Variants in COASY observed in about 807,000 individuals in gnomAD.
COASY encodes the protein Coenzyme A synthase.
Under a neutral mutation model 49.4 loss-of-function variants are expected in COASY, and 31 were observed. The observed-to-expected ratio is 0.63, with a 90% CI of 0.47 to 0.85. The LOEUF is 0.85. Among genes scored for constraint, COASY ranks in the 40% least tolerant of loss-of-function variants. The probability of loss-of-function intolerance (pLI) is 0.00; values close to 1 mark genes in which losing one functional copy is unlikely to be tolerated. For missense variants in COASY, 730 were observed against 734.1 expected (o/e 0.99, Z 0.06); for synonymous variants, 285 against 310.9 (o/e 0.92, Z 0.88).
In COASY at chr17:42,562,897, C is replaced by A. The variant is rs2143193881; in HGVS notation, c.275C>A (p.Thr92Asn). The change falls in exon 1 of 9, where the codon ACC (threonine) becomes AAC (asparagine). Residue 92 changes from threonine (T) to asparagine (N), a missense_variant. Physicochemically the swap from Thr to Asn is moderately conservative, Grantham distance 65 (BLOSUM62 0). Coordinates refer to ENST00000393818, the MANE Select transcript of COASY (RefSeq NM_025233.7). Reference protein sequence around the residue: ...DVRILLTNIRTKSTFLPPLPT... With the variant: ...DVRILLTNIRNKSTFLPPLPT... ...AGAATCCTACTGACCAATATCCGAA[C>A]CAAGAGCACCTTTCTCCCTCCCCTG... 1 of 1,611,382 alleles carries A rather than the reference C, an allele frequency of 6.2e-7. No homozygotes were observed. Among genetic ancestry groups the A allele is most frequent in the Non-Finnish European group, 8.5e-7 (1 of 1,177,770 alleles).
In COASY at chr17:42,563,195, C is replaced by T. The variant is rs1165347541; in HGVS notation, c.573C>T (p.Tyr191=). Residue 191 remains tyrosine (Y), a synonymous_variant, in exon 1 of 9, where the codon TAC becomes TAT. Transcript: ENST00000393818. ...CTCCAAAGCAGCCGGTGCGTGGCTA[C>T]TACCGTGGCGCTGTCGGTGGCACGT... ...AGSPKQPVRG[Y]YRGAVGGTFD... 18 of 1,613,832 alleles carry T rather than the reference C, an allele frequency of 1.1e-5. No individual in the cohort carries two copies. Among genetic ancestry groups the T allele is most frequent in the African/African-American group, 1.3e-5 (1 of 74,940 alleles).
rs375069596 is a variant in COASY at position 42,565,031 on chromosome 17, G to A, written c.1286G>A (p.Arg429Gln). 11 of 1,614,040 alleles carry A rather than the reference G, an allele frequency of 6.8e-6. No individual in the cohort carries two copies. The African/African-American group carries it at 9.3e-5, about 14-fold the overall frequency. ...ATCAACAGGAAGGTCCTAGGCAGCC[G>A]GGTGTTTGGGAATAAGGTAAACAAT... is the stretch of plus-strand genomic sequence containing the variant. ...GIINRKVLGS[R>Q]VFGNKKQLKI... Residue 429 changes from arginine to glutamine, a missense_variant, in exon 5 of 9, where the codon CGG becomes CAG. Coordinates refer to ENST00000393818, the MANE Select transcript of COASY (RefSeq NM_025233.7).
At position 42,565,668 on chromosome 17, in the gene COASY, C is replaced by A. The variant is rs140709867; in HGVS notation, c.1495C>A (p.Arg499Ser). Residue 499 changes from arginine to serine, a missense_variant, in exon 8 of 9, where the codon CGC becomes AGC. Transcript: ENST00000393818. The part of the protein sequence containing the change: ...AVIPETEAVR[R>S]IVERDGLSEA... ...TCTCGTCTGTGCTCAGGCTGTAAGACGCATTGTGGAGAGGGATGGCCTCAG... is the reference window on the plus strand; with the variant it reads ...TCTCGTCTGTGCTCAGGCTGTAAGAAGCATTGTGGAGAGGGATGGCCTCAG... 1 of 1,614,128 alleles carries A rather than the reference C, an allele frequency of 6.2e-7. No individual in the cohort carries two copies. Among genetic ancestry groups the A allele is most frequent in the South Asian group, 1.1e-5 (1 of 91,088 alleles).
rs368532520 is a variant in COASY, at chr17:42,562,753, G to A, written c.131G>A (p.Gly44Asp). The A allele has an allele frequency of 7.5e-6, 12 of 1,594,910 alleles. No individual in the cohort carries two copies. In the African/African-American group the frequency reaches 1.6e-4, roughly 21 times the overall value. The change falls in exon 1 of 9, where the codon GGC (glycine) becomes GAC (aspartate). Residue 44 changes from glycine (G) to aspartate (D), a missense_variant. By Grantham distance (94) the Gly-to-Asp change is moderately conservative. Coordinates refer to ENST00000393818, the MANE Select transcript of COASY (RefSeq NM_025233.7). Reference protein sequence around the residue: ...NHTLYVHLQPGMSLEGPAQPQ... With the variant: ...NHTLYVHLQPDMSLEGPAQPQ... ...ACACTCTATGTTCACCTGCAGCCGG[G>A]CATGAGCCTGGAGGGCCCGGCTCAG...
chr17:42,564,528 C>T lies in COASY; in HGVS notation c.998C>T (p.Ser333Phe). The T allele has an allele frequency of 2.5e-6, 4 of 1,613,168 alleles. No individual in the cohort carries two copies. The highest frequency in any genetic ancestry group is 1.3e-5 in the African/African-American group (1 of 75,014). ...HTENEEDKVS[S>F]SSFRQRMLGN... ...GAGAATGAAGAGGACAAAGTCAGCT[C>T]CTCCAGCTTCCGCCAGCGAATGTTG... is the stretch of plus-strand genomic sequence containing the variant. The change falls in exon 3 of 9, where the codon TCC becomes TTC. Residue 333 changes from serine to phenylalanine, a missense_variant. Physicochemically the swap from Ser to Phe is radical, Grantham distance 155. Coordinates refer to ENST00000393818, the MANE Select transcript of COASY (RefSeq NM_025233.7).
In COASY at chr17:42,565,977, C is replaced by T. The variant is rs1283120363; in HGVS notation, c.*9C>T. On this transcript the variant is annotated 3_prime_UTR_variant, in exon 9 of 9. Coordinates refer to ENST00000393818, the MANE Select transcript of COASY (RefSeq NM_025233.7). ...ATCAGGCCCTCGACTGAAAAGTTCT[C>T]AGTGGGGCCAGACTGGCTCCTGGAG... The T allele has an allele frequency of 3.1e-6, 5 of 1,613,678 alleles. No homozygotes were observed. In the South Asian group the frequency reaches 5.5e-5, roughly 18 times the overall value.
Position 42,562,990 on chromosome 17 carries a change from G to T in COASY, c.368G>T (p.Gly123Val). The change falls in exon 1 of 9, where the codon GGA becomes GTA. Residue 123 changes from glycine to valine, a missense_variant. By Grantham distance (109) the Gly-to-Val change is moderately radical. Coordinates refer to ENST00000393818, the MANE Select transcript of COASY (RefSeq NM_025233.7). Reference sequence around the variant, plus strand: ...TTGACAGATTTCCAGACCCTGGATGGAAGCCAGTACAACCCGGTCAAACAG... The same window carrying T: ...TTGACAGATTTCCAGACCCTGGATGTAAGCCAGTACAACCCGGTCAAACAG... ...VVLTDFQTLD[G>V]SQYNPVKQQL... is the part of the protein sequence containing the mutation. The T allele has an allele frequency of 1.2e-6, 2 of 1,614,122 alleles. No homozygotes were observed. The highest frequency in any genetic ancestry group is 1.7e-6 in the Non-Finnish European group (2 of 1,180,038).
rs1310260421 is a variant in COASY at position 42,562,919 on chromosome 17, C to T, written c.297C>T (p.Pro99=). The T allele has an allele frequency of 1.2e-6, 2 of 1,612,036 alleles. No individual in the cohort carries two copies. The highest frequency in any genetic ancestry group is 1.7e-6 in the Non-Finnish European group (2 of 1,178,332). The change falls in exon 1 of 9, where the codon CCC becomes CCT. Residue 99 remains proline, a synonymous_variant. Transcript: ENST00000393818. ...NIRTKSTFLP[P]LPTSVQNLAH... ...GAACCAAGAGCACCTTTCTCCCTCC[C>T]CTGCCCACCTCAGTCCAGAATCTCG...
chr17:42,565,603 C>T, intron 7 of COASY, 35 bp downstream of exon 7: 1 of 1,614,012 alleles, frequency 6.2e-7, no homozygotes, highest in Non-Finnish European at 8.5e-7. Flanking sequence ...ATCCCTACTG[C>T]AGATCCTATC....
At chr17:42,564,335 C>T (rs761445902) in intron 2 of COASY, 111 bp from the exon 3 acceptor site, 18 of 1,528,910 alleles carry the variant, frequency 1.2e-5, no homozygotes, top group East Asian at 6.8e-5. Context: ...CCCGCTGAGT[C>T]GGAGGAGGAG....
rs922890186 is a variant in COASY at position 42,565,753 on chromosome 17, A to G, written c.1580A>G (p.Gln527Arg). 1.9e-6 allele frequency: 3 copies of G among 1,613,846 alleles called. No individual in the cohort carries two copies. Among genetic ancestry groups the G allele is most frequent in the Admixed American group, 1.7e-5 (1 of 60,012 alleles). ...ATGAGCGGGCAGCAGCTTGTGGAAC[A>G]GAGCCACGTGGTGCTCAGCACCTTG... ...SQMSGQQLVE[Q>R]SHVVLSTLWE... The change falls in exon 8 of 9, where the codon CAG becomes CGG. Residue 527 changes from glutamine to arginine, a missense_variant. Gln to Arg is a conservative substitution (Grantham distance 43). Transcript: ENST00000393818.
rs1476149734 is a variant in COASY at position 42,562,552 on chromosome 17, C to T, written c.-71C>T. 3 of 1,587,876 alleles carry T rather than the reference C, an allele frequency of 1.9e-6. No individual in the cohort carries two copies. Among genetic ancestry groups the T allele is most frequent in the East Asian group, 4.5e-5 (2 of 44,598 alleles). On this transcript the variant is annotated 5_prime_UTR_variant, in exon 1 of 9. Coordinates refer to ENST00000393818, the MANE Select transcript of COASY (RefSeq NM_025233.7). The stretch of plus-strand genomic sequence containing the variant: ...TCTGGGGTCCAAGGTCCCATACAGG[C>T]CTCTGCCTCGGCCGCAGGCCCTTCA...
rs535796292 is a variant in COASY at position 42,563,170 on chromosome 17, C to T, written c.548C>T (p.Ser183Phe). The T allele has an allele frequency of 9.9e-6, 16 of 1,613,972 alleles. No homozygotes were observed. In the African/African-American group the frequency reaches 1.9e-4, roughly 19 times the overall value. ...AGGCCAGCTTCCCCCGTGGCCGGGT[C>T]TCCAAAGCAGCCGGTGCGTGGCTAC... ...TIRPASPVAGSPKQPVRGYYR... is the reference protein window; with the variant it reads ...TIRPASPVAGFPKQPVRGYYR... Residue 183 changes from serine to phenylalanine, a missense_variant, in exon 1 of 9, where the codon TCT (serine) becomes TTT (phenylalanine). Transcript: ENST00000393818.
At position 42,564,002 on chromosome 17, in the gene COASY, G is replaced by A. The variant is rs1279424505; in HGVS notation, c.742G>A (p.Val248Met). ...GCTGCTCCAACCTTATACAGAACGTGTGGAACATCTGAGTGAATTCCTGGT... is the reference window on the plus strand; with the variant it reads ...GCTGCTCCAACCTTATACAGAACGTATGGAACATCTGAGTGAATTCCTGGT... The part of the protein sequence containing the change: ...PELLQPYTER[V>M]EHLSEFLVDI... The change falls in exon 2 of 9, where the codon GTG (valine) becomes ATG (methionine). Residue 248 changes from valine (V) to methionine (M), a missense_variant. Val to Met is a conservative substitution (Grantham distance 21, BLOSUM62 1). Transcript: ENST00000393818. The A allele has an allele frequency of 1.9e-6, 3 of 1,614,016 alleles. No homozygotes were observed.
Position 42,564,830 on chromosome 17 carries a change from A to G in COASY, c.1169A>G (p.His390Arg). 1 of 1,571,372 alleles carries G rather than the reference A, an allele frequency of 6.4e-7. No homozygotes were observed. Among genetic ancestry groups the G allele is most frequent in the South Asian group, 1.2e-5 (1 of 83,906 alleles). Residue 390 changes from histidine to arginine, a missense_variant, in exon 4 of 9, where the codon CAC (histidine) becomes CGC (arginine). Coordinates refer to ENST00000393818, the MANE Select transcript of COASY (RefSeq NM_025233.7). The stretch of plus-strand genomic sequence containing the variant: ...GGGGCGTTTGTCATTGACAGTGACC[A>G]CCTGGGTCATCGGGCCTATGCCCCA... The part of the protein sequence containing the change: ...GLGAFVIDSD[H>R]LGHRAYAPGG...
In COASY at chr17:42,564,918, G is replaced by A. The variant is rs768136304; in HGVS notation, c.1237+20G>A. 6.2e-7 allele frequency: 1 copy of A among 1,613,932 alleles called. No individual in the cohort carries two copies. Among genetic ancestry groups the A allele is most frequent in the Non-Finnish European group, 8.5e-7 (1 of 1,179,834 alleles). ...GAACAGGTAATAACTGGGGAAGGCTGAAAGTGGCCTGGAGTGAGGAGCTAG... is the reference window on the plus strand; with the variant it reads ...GAACAGGTAATAACTGGGGAAGGCTAAAAGTGGCCTGGAGTGAGGAGCTAG... On this transcript the variant is annotated intron_variant, in intron 4 of 8. Transcript: ENST00000393818.
In COASY at chr17:42,566,007, C is replaced by T. The variant is rs202162428; in HGVS notation, c.*39C>T. On this transcript the variant is annotated 3_prime_UTR_variant, in exon 9 of 9. Coordinates refer to ENST00000393818, the MANE Select transcript of COASY (RefSeq NM_025233.7). ...GGGCCAGACTGGCTCCTGGAGCTGA[C>T]AAGCGACCCCGTGGTGAGGAGAAAT... is the stretch of plus-strand genomic sequence containing the variant. The T allele has an allele frequency of 2.5e-6, 4 of 1,606,830 alleles. No individual in the cohort carries two copies. In the East Asian group the frequency reaches 6.7e-5, roughly 27 times the overall value.
chr17:42,564,616 T>C, intron 3 of COASY, 39 bp downstream of exon 3: 4 of 1,582,162 alleles, frequency 2.5e-6, no homozygotes, highest in Non-Finnish European at 3.4e-6. Context: ...CTTGGTGTCC[T>C]GGCAATGCTG....
chr17:42,563,462 G>T, intron 1 of COASY, 140 bp downstream of exon 1: 1 of 803,144 alleles, frequency 1.2e-6, no homozygotes, highest in Non-Finnish European at 1.9e-6. Flanking sequence ...ACACTCAATT[G>T]GTGCTAAGGC....
Sources: allele counts gnomAD v4.1 joint callset, GRCh38; gene constraint gnomAD v4.1.1; transcripts MANE v1.5; gene names NCBI Gene and HGNC (gene_info 2026-07-23, HGNC 2026-07-21).